Variants in ASAP2 observed in about 807,000 individuals in gnomAD.
The protein encoded by ASAP2 is ArfGAP with SH3 domain, ankyrin repeat and PH domain 2.
Under a neutral mutation model 131.4 loss-of-function variants are expected in ASAP2, and 45 were observed. The ratio of observed to expected loss-of-function variants is 0.34; its 90% CI spans 0.27 to 0.44. The LOEUF is 0.44. Ranked by LOEUF, ASAP2 falls within the 20% of genes least tolerant of loss-of-function variation. The probability of loss-of-function intolerance (pLI) is 1.00; values close to 1 mark genes in which losing one functional copy is unlikely to be tolerated. For synonymous variants in ASAP2, 510 were observed against 503.0 expected (o/e 1.01, Z -0.19); for missense variants, 1,011 against 1,297.0 (o/e 0.78, Z 3.39).
At chr2:9,261,453 T>C (rs1336734565) in intron 1 of ASAP2, among the ~76,000 whole-genome samples, 1 of 152,220 alleles carries the variant, frequency 6.6e-6, no homozygotes, top group Non-Finnish European at 1.5e-5. Context: ...TTGTAAATAT[T>C]GCAGTAAAGA....
intron 9 of ASAP2, among the ~76,000 whole-genome samples, chr2:9,343,733 C>T (rs1320662064): frequency 2.0e-5 from 3 of 152,220 alleles, no homozygotes; most frequent in African/African-American, 7.2e-5. Flanking sequence ...AGGCATAAGC[C>T]ACTGCGCCCA....
rs533596763 is a variant in ASAP2, at chr2:9,207,430, T to G, written c.126+200T>G. ...GGGTGATGGCCACCTTGGGCCTCTT[T>G]AAGACCTCCCCTCTCTCGGCCTCGT... On this transcript the variant is annotated intron_variant, in intron 1 of 27. Transcript: ENST00000281419. The surrounding 1 kb of genome is among the most constrained non-coding windows in gnomAD (Gnocchi z 4.1). 6.6e-6 allele frequency among the ~76,000 whole-genome samples: 1 copy of G among 152,244 alleles called. No individual in the cohort carries two copies. The highest frequency in any genetic ancestry group is 2.1e-4 in the South Asian group (1 of 4,832).
chr2:9,317,215 A>C (rs1669770655), intron 3 of ASAP2, among the ~76,000 whole-genome samples: 1 of 145,492 alleles, frequency 6.9e-6, no homozygotes, highest in African/African-American at 2.7e-5. Context: ...ACTCACATCC[A>C]CACTCACACA....
Position 9,401,303 on chromosome 2 carries a change from G to A in ASAP2, c.2853G>A (p.Ala951=), listed in dbSNP as rs757312137. 7.8e-5 allele frequency: 126 copies of A among 1,613,440 alleles called. No homozygotes were observed. In the Admixed American group the frequency reaches 1.7e-3, roughly 22 times the overall value. ...ATKLKPKRVK[A]LYNCVADNPD... ...AGTTGAAGCCTAAGCGGGTGAAAGC[G>A]CTCTATAACTGTGTGGCTGACAACC... Residue 951 remains alanine (A), a synonymous_variant, in exon 27 of 28, where the codon GCG becomes GCA. Coordinates refer to ENST00000281419, the MANE Select transcript of ASAP2 (RefSeq NM_003887.3).
chr2:9,365,763 G>T (rs1401229647), intron 15 of ASAP2, among the ~76,000 whole-genome samples: 2 of 152,214 alleles, frequency 1.3e-5, no homozygotes, highest in Admixed American at 1.3e-4. Context: ...CTTTTCCAGG[G>T]CTTCTTATTG....
chr2:9,371,028 C>T (rs1673907049), intron 16 of ASAP2, among the ~76,000 whole-genome samples: 1 of 152,166 alleles, frequency 6.6e-6, no homozygotes, highest in South Asian at 2.1e-4. Context: ...CCAGGGGTAC[C>T]TAACGAAAGC....
In ASAP2 at chr2:9,399,555, C is replaced by T. The variant is rs6725215; in HGVS notation, c.2685-468C>T. 3.5e-3 allele frequency: 583 copies of T among 165,720 alleles called. 5 individuals are homozygous for T. The highest frequency in any genetic ancestry group is 0.013 in the African/African-American group (537 of 41,964). The allele number at this position is 165,720 out of a possible 1,614,324, so 10.3% of individuals were successfully genotyped here. On this transcript the variant is annotated intron_variant, in intron 24 of 27. Coordinates refer to ENST00000281419, the MANE Select transcript of ASAP2 (RefSeq NM_003887.3). ...GAGGTTCATGGATGGGGCTTGAGCC[C>T]GTGGTCAGCCACATTGGTTCCCAGA...
Position 9,311,477 on chromosome 2 carries a change from A to G in ASAP2, c.346-7047A>G, listed in dbSNP as rs187738376. On this transcript the variant is annotated intron_variant, in intron 3 of 27. Coordinates refer to ENST00000281419, the MANE Select transcript of ASAP2 (RefSeq NM_003887.3). The surrounding 1 kb of genome is among the most constrained non-coding windows in gnomAD (Gnocchi z 5.2). The stretch of plus-strand genomic sequence containing the variant: ...GTTTTAAAAAGCCATTTTACATAAT[A>G]TATTTGTTAAAAGTGAGTCAGAACA... Among the ~76,000 whole-genome samples the G allele has an allele frequency of 6.6e-5, 10 of 152,370 alleles. No homozygotes were observed. The highest frequency in any genetic ancestry group is 2.4e-4 in the African/African-American group (10 of 41,592).
intron 24 of ASAP2, 78 bp from the exon 25 acceptor site, chr2:9,399,945 G>A: frequency 6.9e-7 from 1 of 1,443,144 alleles, no homozygotes; most frequent in Non-Finnish European, 9.7e-7. Flanking sequence ...AACTCAGAAG[G>A]TTCTCTGATA....
chr2:9,373,581 C>T (rs1316815492), intron 16 of ASAP2, among the ~76,000 whole-genome samples: 2 of 152,214 alleles, frequency 1.3e-5, no homozygotes, highest in Non-Finnish European at 2.9e-5. Flanking sequence ...GCCAGTTGTT[C>T]CACGGGGATT....
chr2:9,319,169 G>C (rs899502783), intron 4 of ASAP2, among the ~76,000 whole-genome samples: 3 of 152,230 alleles, frequency 2.0e-5, no homozygotes, highest in Non-Finnish European at 4.4e-5. Flanking sequence ...TGTTTCGGGG[G>C]CAGCGGACAG....
intron 9 of ASAP2, among the ~76,000 whole-genome samples, chr2:9,337,084 C>G (rs1671252611): frequency 6.6e-6 from 1 of 152,236 alleles, no homozygotes; most frequent in African/African-American, 2.4e-5. Flanking sequence ...CCAGCACAGA[C>G]CAGAAGTTCT....
intron 1 of ASAP2, among the ~76,000 whole-genome samples, chr2:9,243,828 G>T (rs190745327): frequency 6.6e-6 from 1 of 152,312 alleles, no homozygotes; most frequent in Non-Finnish European, 1.5e-5. Flanking sequence ...TCACAGTTTA[G>T]TTGTGAGGGA....
intron 1 of ASAP2, among the ~76,000 whole-genome samples, chr2:9,240,139 G>A (rs1459464872): frequency 6.6e-6 from 1 of 151,922 alleles, no homozygotes; most frequent in African/African-American, 2.4e-5. Flanking sequence ...TTATCCCTGG[G>A]GGGTATGTTC....
intron 2 of ASAP2, among the ~76,000 whole-genome samples, chr2:9,286,069 A>G (rs1482689463): frequency 6.6e-6 from 1 of 152,200 alleles, no homozygotes; most frequent in African/African-American, 2.4e-5. Context: ...ACAAATATAT[A>G]TAATAGTTGA....
chr2:9,387,808 AAG>A (rs553823047), intron 21 of ASAP2, among the ~76,000 whole-genome samples: 248 of 152,336 alleles, frequency 1.6e-3, no homozygotes, highest in African/African-American at 5.8e-3. Context: ...TTATAAAAGA[AAG>A]AGGTCTAATT....
intron 9 of ASAP2, among the ~76,000 whole-genome samples, chr2:9,342,128 TC>T (rs1379619322): frequency 6.6e-6 from 1 of 152,208 alleles, no homozygotes; most frequent in South Asian, 2.1e-4. Flanking sequence ...CCATCAGAAA[TC>T]CCAGCTGCCT....
At position 9,403,593 on chromosome 2, in the gene ASAP2, ACATAATCAAGAT is replaced by A; in HGVS notation, c.*268_*279del. 1 of 426,960 alleles carries A rather than the reference ACATAATCAAGAT, an allele frequency of 2.3e-6. No individual in the cohort carries two copies. The highest frequency in any genetic ancestry group is 3.8e-5 in the South Asian group (1 of 26,446). The allele number at this position is 426,960 out of a possible 1,614,324, so 26.4% of individuals were successfully genotyped here. ...ACTGAAAAGTTATTTTAACTATTAT[ACATAATCAAGAT>A]CCTGCCTCTACGGAATTAGCTAAAC... is the stretch of plus-strand genomic sequence containing the variant. On this transcript the variant is annotated 3_prime_UTR_variant, in exon 28 of 28. Coordinates refer to ENST00000281419, the MANE Select transcript of ASAP2 (RefSeq NM_003887.3).
chr2:9,319,229 C>T (rs1332373824), intron 4 of ASAP2, among the ~76,000 whole-genome samples: 2 of 152,234 alleles, frequency 1.3e-5, no homozygotes, highest in African/African-American at 4.8e-5. Context: ...GCATCGCCAG[C>T]CCTGACAGAC....
Sources: allele counts gnomAD v4.1 joint callset (sites outside exome capture counted in the v4.1 genomes callset), GRCh38; gene constraint gnomAD v4.1.1; non-coding constraint Gnocchi (gnomAD v3.1); transcripts MANE v1.5; gene names NCBI Gene and HGNC (gene_info 2026-07-23, HGNC 2026-07-21).